The following RAD23B variants were observed in gnomAD, a reference collection of about 807,000 sequenced individuals.
The protein encoded by RAD23B is lysine-specific demethylase RAD23B.
In RAD23B, 5 loss-of-function variants were observed where a neutral mutation model predicts 49.1. The observed-to-expected ratio is 0.10, with a 90% CI of 0.05 to 0.21. The LOEUF is 0.21. RAD23B is among the 10% of genes least tolerant of loss of function. The pLI, the probability that RAD23B is intolerant of heterozygous loss-of-function variation, is 1.00. For synonymous variants in RAD23B, 184 were observed against 165.4 expected (o/e 1.11, Z -0.86); for missense variants, 356 against 486.7 (o/e 0.73, Z 2.53).
At position 107,297,982 on chromosome 9, in the gene RAD23B, G is replaced by A. The variant is rs374330116; in HGVS notation, c.67-2159G>A. On this transcript the variant is annotated intron_variant, in intron 1 of 9. Transcript: ENST00000358015. ...TATTCATCCAGCACAGGATAATGGA[G>A]CACCCACTCCATGCCAAGCCACTAT... 3.9e-4 allele frequency among the ~76,000 whole-genome samples: 59 copies of A among 152,188 alleles called. 1 individual carries two copies. In the East Asian group the frequency reaches 8.5e-3, roughly 22 times the overall value.
chr9:107,331,830 C>T lies in RAD23B; in HGVS notation c.*2174C>T, dbSNP rs769602263. The T allele has an allele frequency of 3.7e-5, 24 of 646,536 alleles. No individual in the cohort carries two copies. Among genetic ancestry groups the T allele is most frequent in the Middle Eastern group, 5.0e-4 (2 of 3,982 alleles). 40.0% of individuals were successfully genotyped at this position (646,536 alleles called of 1,614,324 possible). On this transcript the variant is annotated 3_prime_UTR_variant, in exon 10 of 10. Transcript: ENST00000358015. ...CAAGTTTTGATCGTTCCATACAGTACCTTGTTTATCTGCTTCTTAAAGAAT... is the reference window on the plus strand; with the variant it reads ...CAAGTTTTGATCGTTCCATACAGTATCTTGTTTATCTGCTTCTTAAAGAAT...
rs1281260449 is a variant in RAD23B at position 107,283,499 on chromosome 9, C to T, written c.-131C>T. 6.7e-6 allele frequency: 4 copies of T among 595,414 alleles called. No individual in the cohort carries two copies. Among genetic ancestry groups the T allele is most frequent in the Non-Finnish European group, 8.0e-6 (3 of 374,992 alleles). 36.9% of individuals were successfully genotyped at this position (595,414 alleles called of 1,614,324 possible). A position where few individuals can be genotyped will look rare whatever the true frequency, so the allele number is the denominator to read the frequency against. ...CGCTCCGCTGGGCGAATGTGACAAG[C>T]CCCCACCCCCACCGCCTTCCTCCCC... On this transcript the variant is annotated 5_prime_UTR_variant, in exon 1 of 10. Transcript: ENST00000358015.
In RAD23B at chr9:107,331,921, CTG is replaced by C; in HGVS notation, c.*2267_*2268del. The C allele has an allele frequency of 2.1e-6, 1 of 473,668 alleles. No individual in the cohort carries two copies. Among genetic ancestry groups the C allele is most frequent in the Non-Finnish European group, 3.7e-6 (1 of 267,690 alleles). 29.3% of individuals were successfully genotyped at this position (473,668 alleles called of 1,614,324 possible). A position where few individuals can be genotyped will look rare whatever the true frequency, so the allele number is the denominator to read the frequency against. On this transcript the variant is annotated 3_prime_UTR_variant, in exon 10 of 10. Transcript: ENST00000358015. ...TTGCTGTTAATGTTTAATTTACAAA[CTG>C]TTTTGGTAAATCTCTTAATGTAAGT...
rs1827307673 is a variant in RAD23B at position 107,331,581 on chromosome 9, CAG to C, written c.*1928_*1929del. On this transcript the variant is annotated 3_prime_UTR_variant, in exon 10 of 10. Coordinates refer to ENST00000358015, the MANE Select transcript of RAD23B (RefSeq NM_002874.5). ...TCATATATACGTTCATCTTTCAAGT[CAG>C]AGCAATGAGTTGGGAAAAGAGGTGG... 1.8e-5 allele frequency: 13 copies of C among 702,946 alleles called. No homozygotes were observed. The Middle Eastern group carries it at 7.3e-4, about 39-fold the overall frequency. The allele number at this position is 702,946 out of a possible 1,614,324, so 43.5% of individuals were successfully genotyped here.
At chr9:107,311,635 A>T (rs1036139409) in intron 4 of RAD23B, 47 bp from the exon 5 acceptor site, 129 of 1,386,510 alleles carry the variant, frequency 9.3e-5, no homozygotes, top group Non-Finnish European at 1.3e-4. Context: ...TGTAAATTAA[A>T]TTTTATATAC....
intron 4 of RAD23B, among the ~76,000 whole-genome samples, chr9:107,307,827 T>C (rs1826809611): frequency 6.6e-6 from 1 of 152,194 alleles, no homozygotes; most frequent in Non-Finnish European, 1.5e-5. Flanking sequence ...CAATAGAATA[T>C]TTGCCCTGTT....
At chr9:107,327,853 T>C (rs1307192546) in intron 9 of RAD23B, among the ~76,000 whole-genome samples, 2 of 152,198 alleles carry the variant, frequency 1.3e-5, no homozygotes, top group African/African-American at 4.8e-5. Flanking sequence ...AATTTCTACC[T>C]TTAATTCTCA....
chr9:107,283,357 C>T lies in RAD23B; in HGVS notation c.-273C>T, dbSNP rs1833195079. ...TGTCTCGCCGACCCCCTCGCGCCTT[C>T]TGCAGACTCCGTGGCTGGCGCTCGG... On this transcript the variant is annotated 5_prime_UTR_variant, in exon 1 of 10. Transcript: ENST00000358015. The T allele has an allele frequency of 2.4e-6, 1 of 424,284 alleles. No homozygotes were observed. Among genetic ancestry groups the T allele is most frequent in the Non-Finnish European group, 4.1e-6 (1 of 243,736 alleles). The allele number at this position is 424,284 out of a possible 1,614,324, so 26.3% of individuals were successfully genotyped here. A position where few individuals can be genotyped will look rare whatever the true frequency, so the allele number is the denominator to read the frequency against.
intron 4 of RAD23B, among the ~76,000 whole-genome samples, chr9:107,307,564 C>G (rs1367005495): frequency 6.6e-6 from 1 of 152,166 alleles, no homozygotes; most frequent in South Asian, 2.1e-4. Flanking sequence ...TCTTTGGAGT[C>G]AGAATCAGAC....
At chr9:107,295,848 G>A (rs942902504) in intron 1 of RAD23B, among the ~76,000 whole-genome samples, 1 of 152,178 alleles carries the variant, frequency 6.6e-6, no homozygotes, top group African/African-American at 2.4e-5. Context: ...CAAATAAATG[G>A]TGTTGGTCCA....
At chr9:107,309,930 C>CAAAAAAA (rs34745859) in intron 4 of RAD23B, among the ~76,000 whole-genome samples, 3 of 75,446 alleles carry the variant, frequency 4.0e-5, no homozygotes, top group Non-Finnish European at 5.6e-5. Flanking sequence ...GACTCCATCT[C>CAAAAAAA]AAAAAAAAAA....
intron 5 of RAD23B, among the ~76,000 whole-genome samples, chr9:107,315,590 T>C (rs772824484): frequency 2.4e-4 from 36 of 152,160 alleles, no homozygotes; most frequent in Non-Finnish European, 4.4e-4. Context: ...CTCAGCTCAC[T>C]GCAACCTCCG....
intron 5 of RAD23B, among the ~76,000 whole-genome samples, chr9:107,315,049 T>G (rs1826963801): frequency 6.6e-6 from 1 of 152,186 alleles, no homozygotes. Context: ...TTAGATTGCC[T>G]AAGCCAGTGT....
chr9:107,317,130 C>T (rs896311809), intron 5 of RAD23B, among the ~76,000 whole-genome samples: 2 of 151,954 alleles, frequency 1.3e-5, no homozygotes, highest in African/African-American at 2.4e-5. Flanking sequence ...GTTTACTTGA[C>T]TTTTGCAACT....
rs747470810 is a variant in RAD23B, at chr9:107,324,019, T to TG, written c.945+3dup. 6.2e-7 allele frequency: 1 copy of TG among 1,613,234 alleles called. No homozygotes were observed. Among genetic ancestry groups the TG allele is most frequent in the Non-Finnish European group, 8.5e-7 (1 of 1,179,292 alleles). On this transcript the variant is annotated splice_region_variant and intron_variant, in intron 8 of 9. Transcript: ENST00000358015. ...CGAGAGAATCCTCAATTACTTCAGG[T>TG]GACTAATCAGTGTCAGTTTCACAAG...
chr9:107,284,796 C>G, intron 1 of RAD23B: 1 of 1,198,552 alleles, frequency 8.3e-7, no homozygotes, highest in Non-Finnish European at 1.1e-6. Flanking sequence ...TTAAGTAGAC[C>G]TGAGTTCCAT....
chr9:107,298,862 T>G (rs953613056), intron 1 of RAD23B, among the ~76,000 whole-genome samples: 3 of 152,110 alleles, frequency 2.0e-5, no homozygotes, highest in South Asian at 2.1e-4. Flanking sequence ...TTTACTTGTG[T>G]TTTACCTTTG....
At chr9:107,326,480 C>CAAAA (rs1223341449) in intron 9 of RAD23B, among the ~76,000 whole-genome samples, 1 of 56,446 alleles carries the variant, frequency 1.8e-5, no homozygotes, top group Non-Finnish European at 4.2e-5. Context: ...GACTCTGTCT[C>CAAAA]AAAAAAAAAA....
At chr9:107,296,856 GC>G (rs1455828031) in intron 1 of RAD23B, among the ~76,000 whole-genome samples, 8 of 113,216 alleles carry the variant, frequency 7.1e-5, no homozygotes, top group African/African-American at 2.6e-4. Flanking sequence ...TTTTTTAATT[GC>G]TTTTTTTTTT....
Sources: allele counts gnomAD v4.1 joint callset (sites outside exome capture counted in the v4.1 genomes callset), GRCh38; gene constraint gnomAD v4.1.1; transcripts MANE v1.5; gene names NCBI Gene and HGNC (gene_info 2026-07-23, HGNC 2026-07-21).